The following ADGRL4 variants were observed in gnomAD, a reference collection of about 807,000 sequenced individuals.
The protein encoded by ADGRL4 is EGF, latrophilin and seven transmembrane domain containing 1.
In ADGRL4, 90 loss-of-function variants were observed where a neutral mutation model predicts 74.8. The observed-to-expected ratio is 1.20, with a 90% CI of 1.02 to 1.43. The LOEUF is 1.43. Ranked by LOEUF, ADGRL4 falls within the 40% of genes most tolerant of loss-of-function variation. The pLI, the probability that ADGRL4 is intolerant of heterozygous loss-of-function variation, is 0.00. For synonymous variants in ADGRL4, 311 were observed against 279.2 expected, an observed-to-expected ratio of 1.11 and a Z score of -1.14; for missense variants, 881 against 814.3, an observed-to-expected ratio of 1.08 and a Z score of -1.00.
chr1:78,939,117 T>C, intron 4 of ADGRL4, 71 bp downstream of exon 4: 1 of 1,446,154 alleles, frequency 6.9e-7, no homozygotes, highest in South Asian at 1.4e-5. Flanking sequence ...TCTTGAAATG[T>C]GTGACATTGA....
chr1:78,898,527 C>T lies in ADGRL4; in HGVS notation c.1750-5338G>A, dbSNP rs550260534. ...TTTTGTCTCATTTTTTTTTTTTTAACGATTTCAGATTGTCAGCTTGGGTTC... is the reference window on the plus strand; with the variant it reads ...TTTTGTCTCATTTTTTTTTTTTTAATGATTTCAGATTGTCAGCTTGGGTTC... On this transcript the variant is annotated intron_variant, in intron 12 of 14. Coordinates refer to ENST00000370742, the MANE Select transcript of ADGRL4 (RefSeq NM_022159.4). Among the ~76,000 whole-genome samples the T allele has an allele frequency of 4.0e-3, 593 of 147,962 alleles. 7 individuals are homozygous for T. The highest frequency in any genetic ancestry group is 4.5e-3 in the Non-Finnish European group (304 of 67,088).
At chr1:78,929,224 A>G (rs35160055) in intron 7 of ADGRL4, among the ~76,000 whole-genome samples, 25,876 of 151,384 alleles carry the variant, frequency 0.17, 2,636 homozygotes, top group Admixed American at 0.25. Flanking sequence ...TATACATTTA[A>G]AAATCCAGGG....
At chr1:78,972,353 G>A (rs1157436588) in intron 2 of ADGRL4, among the ~76,000 whole-genome samples, 2 of 152,138 alleles carry the variant, frequency 1.3e-5, no homozygotes, top group East Asian at 1.9e-4. Flanking sequence ...TTAGAATTGT[G>A]TAATTCTAAC....
chr1:78,942,063 G>C (rs1402480264), intron 3 of ADGRL4, among the ~76,000 whole-genome samples: 1 of 151,586 alleles, frequency 6.6e-6, no homozygotes, highest in African/African-American at 2.4e-5. Context: ...GCCAGGCATG[G>C]GTGGCAGGTG....
Position 79,006,708 on chromosome 1 carries a change from C to CT in ADGRL4, c.-55dup. ...GGAGAGCGCGGCGGAGTGAGTGCGG[C>CT]TGTGGACCCGGGACCGGGCGCCGCT... On this transcript the variant is annotated 5_prime_UTR_variant, in exon 1 of 15. Transcript: ENST00000370742. The CT allele has an allele frequency of 7.0e-7, 1 of 1,421,074 alleles. No individual in the cohort carries two copies. Among genetic ancestry groups the CT allele is most frequent in the Non-Finnish European group, 9.2e-7 (1 of 1,089,056 alleles). The allele number at this position is 1,421,074 out of a possible 1,614,324, so 88.0% of individuals were successfully genotyped here.
chr1:78,964,655 T>G (rs1650018837), intron 2 of ADGRL4, among the ~76,000 whole-genome samples: 1 of 152,152 alleles, frequency 6.6e-6, no homozygotes, highest in Admixed American at 6.6e-5. Flanking sequence ...TAAAACTGTG[T>G]GCTCTGTCAT....
intron 2 of ADGRL4, among the ~76,000 whole-genome samples, chr1:78,957,445 T>C (rs908099256): frequency 1.3e-5 from 2 of 152,172 alleles, no homozygotes; most frequent in African/African-American, 4.8e-5. Flanking sequence ...CCAGTGAACA[T>C]ACAAATGCTA....
chr1:79,003,676 T>A (rs929114081), intron 2 of ADGRL4, among the ~76,000 whole-genome samples: 5 of 152,058 alleles, frequency 3.3e-5, no homozygotes, highest in Admixed American at 1.3e-4. Flanking sequence ...AAAATTTTTT[T>A]ATGTTACTTA....
chr1:78,901,209 T>A (rs1041626591), intron 12 of ADGRL4, among the ~76,000 whole-genome samples: 2 of 152,158 alleles, frequency 1.3e-5, no homozygotes, highest in Non-Finnish European at 2.9e-5. Flanking sequence ...ACACTTGGCA[T>A]CCTTCATGTC....
At chr1:78,899,453 C>T in intron 12 of ADGRL4, among the ~76,000 whole-genome samples, 1 of 152,104 alleles carries the variant, frequency 6.6e-6, no homozygotes, top group Non-Finnish European at 1.5e-5. Flanking sequence ...CTCCTGGACT[C>T]AAGCATCCTC....
intron 2 of ADGRL4, among the ~76,000 whole-genome samples, chr1:78,969,663 A>C (rs553882100): frequency 2.4e-3 from 366 of 151,900 alleles, no homozygotes; most frequent in African/African-American, 8.2e-3. Flanking sequence ...ATAAGACTAA[A>C]GTCTGTTTTG....
chr1:78,993,637 C>T (rs183963803), intron 2 of ADGRL4, among the ~76,000 whole-genome samples: 3 of 151,042 alleles, frequency 2.0e-5, no homozygotes, highest in Non-Finnish European at 2.9e-5. Flanking sequence ...GGCAGGATCT[C>T]GGCTCACTGA....
At chr1:78,940,984 G>C (rs530660816) in intron 3 of ADGRL4, among the ~76,000 whole-genome samples, 1 of 152,222 alleles carries the variant, frequency 6.6e-6, no homozygotes, top group Non-Finnish European at 1.5e-5. Flanking sequence ...GGCCTAAAAG[G>C]TTAGAACAGT....
At chr1:78,992,390 TTGCAATAAATCCCA>T (rs1364397668) in intron 2 of ADGRL4, among the ~76,000 whole-genome samples, 2 of 152,070 alleles carry the variant, frequency 1.3e-5, no homozygotes, top group Non-Finnish European at 2.9e-5. Flanking sequence ...CAGCATTACC[TTGCAATAAATCCCA>T]TGCAAAAGGA....
intron 2 of ADGRL4, among the ~76,000 whole-genome samples, chr1:78,982,832 T>C (rs923263713): frequency 6.6e-6 from 1 of 151,754 alleles, no homozygotes; most frequent in African/African-American, 2.4e-5. Flanking sequence ...TAAGGGTTTC[T>C]CTGAAAAAAG....
At chr1:78,965,318 G>A (rs936885936) in intron 2 of ADGRL4, among the ~76,000 whole-genome samples, 1 of 152,036 alleles carries the variant, frequency 6.6e-6, no homozygotes, top group African/African-American at 2.4e-5. Flanking sequence ...TATTAACTAT[G>A]CTAGAAAAAG....
intron 2 of ADGRL4, among the ~76,000 whole-genome samples, chr1:78,959,118 T>C (rs965748099): frequency 1.3e-5 from 2 of 152,214 alleles, no homozygotes; most frequent in Non-Finnish European, 2.9e-5. Flanking sequence ...ACATAACTTA[T>C]GTGCACTGGG....
chr1:78,967,981 G>A (rs1383173526), intron 2 of ADGRL4, among the ~76,000 whole-genome samples: 2 of 152,176 alleles, frequency 1.3e-5, no homozygotes, highest in African/African-American at 2.4e-5. Context: ...GGCTCCAGAG[G>A]GTGCTTGGAG....
rs199997413 is a variant in ADGRL4 at position 79,005,152 on chromosome 1, A to G, written c.90T>C (p.Asn30=). ...QNCTKTPCLP[N]AKCEIRNGIE... The stretch of plus-strand genomic sequence containing the variant: ...TTCCATTGCGTATTTCACATTTTGC[A>G]TTTGGGAGACAAGGTGTCTTGGTGC... The change falls in exon 2 of 15, where the codon AAT becomes AAC. Residue 30 remains asparagine (N), a synonymous_variant. Coordinates refer to ENST00000370742, the MANE Select transcript of ADGRL4 (RefSeq NM_022159.4). The G allele has an allele frequency of 6.2e-7, 1 of 1,613,750 alleles. No homozygotes were observed. Among genetic ancestry groups the G allele is most frequent in the Non-Finnish European group, 8.5e-7 (1 of 1,179,786 alleles).
Sources: gnomAD v4.1 joint callset for allele counts (sites outside exome capture counted in the v4.1 genomes callset) on GRCh38, gnomAD v4.1.1 for gene constraint, MANE v1.5 for transcripts, NCBI Gene and HGNC (gene_info 2026-07-23, HGNC 2026-07-21) for gene names.